The following RIPK4 variants were observed in gnomAD, a reference collection of about 807,000 sequenced individuals.
RIPK4 encodes receptor-interacting serine/threonine-protein kinase 4.
In RIPK4, 17 loss-of-function variants were observed where a neutral mutation model predicts 42.9. That is an observed-to-expected ratio of 0.40 (90% CI 0.27 to 0.59). The LOEUF is 0.59. Ranked by LOEUF, RIPK4 falls within the 20% of genes least tolerant of loss-of-function variation. The pLI is 0.47. For synonymous variants in RIPK4, 498 were observed against 499.1 expected (o/e 1.00, Z 0.03); for missense variants, 897 against 1,104.4 (o/e 0.81, Z 2.66).
chr21:41,744,085 C>G lies in RIPK4; in HGVS notation c.992G>C (p.Ser331Thr), dbSNP rs1601675210. ...ASAPTFDNDY[S>T]LSELLSQLDS... ...CAGCTGTGAGAGCAGCTCGGAGAGG[C>G]TGTAGTCGTTATCGAAGGTGGGGGC... is the stretch of plus-strand genomic sequence containing the variant. The change falls in exon 7 of 8, where the codon AGC becomes ACC. Residue 331 changes from serine (S) to threonine (T), a missense_variant. Transcript: ENST00000332512. 5 of 1,609,756 alleles carry G rather than the reference C, an allele frequency of 3.1e-6. No individual in the cohort carries two copies. The African/African-American group carries it at 4.0e-5, about 13-fold the overall frequency.
At chr21:41,748,592 G>A (rs2061178937) in intron 4 of RIPK4, among the ~76,000 whole-genome samples, 1 of 152,342 alleles carries the variant, frequency 6.6e-6, no homozygotes, top group African/African-American at 2.4e-5. Context: ...AAGCACGCGG[G>A]TACATGTAAT....
At chr21:41,763,129 G>T (rs987206765) in intron 1 of RIPK4, among the ~76,000 whole-genome samples, 5 of 152,120 alleles carry the variant, frequency 3.3e-5, no homozygotes, top group Admixed American at 3.3e-4. Context: ...AAAGTGTCCT[G>T]GGTCCTGTTT....
intron 1 of RIPK4, among the ~76,000 whole-genome samples, chr21:41,761,035 C>T (rs916262865): frequency 6.6e-6 from 1 of 152,234 alleles, no homozygotes; most frequent in Non-Finnish European, 1.5e-5. Context: ...TGCTTCCTCC[C>T]TCTCCAGGGG....
intron 2 of RIPK4, among the ~76,000 whole-genome samples, chr21:41,756,300 T>C (rs1488760683): frequency 6.6e-6 from 1 of 152,210 alleles, no homozygotes; most frequent in East Asian, 1.9e-4. Context: ...TTCACCAAGC[T>C]ACCCTCCAGC....
Position 41,756,710 on chromosome 21 carries a change from C to T in RIPK4, c.289G>A (p.Glu97Lys). Residue 97 changes from glutamate to lysine, a missense_variant, in exon 2 of 8, where the codon GAG (glutamate) becomes AAG (lysine). By Grantham distance (56) the Glu-to-Lys change is moderately conservative (BLOSUM62 1). Transcript: ENST00000332512. The part of the protein sequence containing the change: ...ICREPVGLVM[E>K]YMETGSLEKL... Reference sequence around the variant, plus strand: ...TCCAGGGAGCCCGTCTCCATGTACTCCATGACCAGGCCGACAGGTTCGCGG... The same window carrying T: ...TCCAGGGAGCCCGTCTCCATGTACTTCATGACCAGGCCGACAGGTTCGCGG... 1 of 1,614,242 alleles carries T rather than the reference C, an allele frequency of 6.2e-7. No homozygotes were observed. The highest frequency in any genetic ancestry group is 8.5e-7 in the Non-Finnish European group (1 of 1,180,050).
In RIPK4 at chr21:41,751,165, G is replaced by A. The variant is rs746305634; in HGVS notation, c.555C>T (p.Ile185=). 4.8e-5 allele frequency: 78 copies of A among 1,614,230 alleles called. No individual in the cohort carries two copies. The highest frequency in any genetic ancestry group is 5.8e-5 in the Non-Finnish European group (68 of 1,180,042). ...DLSMDGLFGT[I]AYLPPERIRE... ...TGATGCGCTCTGGAGGGAGGTAGGC[G>A]ATTGTGCCAAACAGGCCATCCATGC... The change falls in exon 3 of 8, where the codon ATC becomes ATT. Residue 185 remains isoleucine (I), a synonymous_variant. Transcript: ENST00000332512. The surrounding 1 kb of genome is among the most constrained non-coding windows in gnomAD (Gnocchi z 4.5).
rs1179459511 is a variant in RIPK4 at position 41,742,831 on chromosome 21, G to T, written c.1196-834C>A. 6.6e-6 allele frequency among the ~76,000 whole-genome samples: 1 copy of T among 152,130 alleles called. No individual in the cohort carries two copies. Among genetic ancestry groups the T allele is most frequent in the Non-Finnish European group, 1.5e-5 (1 of 68,030 alleles). ...CATTTCAGAGTATTAGACCCAAAGA[G>T]AATGTTCTAGAACGTACTTATCCAT... On this transcript the variant is annotated intron_variant, in intron 7 of 7. Coordinates refer to ENST00000332512, the MANE Select transcript of RIPK4 (RefSeq NM_020639.3). The surrounding 1 kb of genome is among the most constrained non-coding windows in gnomAD (Gnocchi z 5.1).
chr21:41,746,482 A>G, intron 5 of RIPK4, 131 bp downstream of exon 5: 2 of 1,115,776 alleles, frequency 1.8e-6, no homozygotes, highest in South Asian at 3.0e-5. Flanking sequence ...CTATCTGTGC[A>G]GGGCTCATTT....
chr21:41,750,428 A>T (rs969373853), intron 3 of RIPK4, among the ~76,000 whole-genome samples: 1 of 152,248 alleles, frequency 6.6e-6, no homozygotes, highest in Non-Finnish European at 1.5e-5. Context: ...TGCTCGCCTC[A>T]CAAAATCAGA....
At chr21:41,758,041 T>TATATATATATAGAGAGAGAG (rs1452050960) in intron 1 of RIPK4, among the ~76,000 whole-genome samples, 2 of 58,484 alleles carry the variant, frequency 3.4e-5, no homozygotes, top group Non-Finnish European at 5.6e-5. Flanking sequence ...TATATATATA[T>TATATATATATAGAGAGAGAG]AGAGAGAGAG....
intron 4 of RIPK4, among the ~76,000 whole-genome samples, chr21:41,747,412 C>T (rs2061175243): frequency 6.6e-6 from 1 of 152,196 alleles, no homozygotes; most frequent in Non-Finnish European, 1.5e-5. Context: ...CAACTTCTAC[C>T]CTGACTGGGA....
intron 7 of RIPK4, among the ~76,000 whole-genome samples, chr21:41,743,457 G>A (rs1410267181): frequency 1.3e-5 from 2 of 152,240 alleles, no homozygotes; most frequent in Admixed American, 6.5e-5. Flanking sequence ...TACCGTGAAC[G>A]GGGAGCCCAC....
chr21:41,766,936 C>G lies in RIPK4; in HGVS notation c.106G>C (p.Val36Leu), dbSNP rs762423408. ...EKVGSGGFGQ[V>L]YKVRHVHWKT... is the part of the protein sequence containing the mutation. ...CAGTGGACATGGCGCACCTTGTACA[C>G]CTGCCCGAAGCCGCCCGAGCCCACC... The change falls in exon 1 of 8, where the codon GTG becomes CTG. Residue 36 changes from valine (V) to leucine (L), a missense_variant. By Grantham distance (32) the Val-to-Leu change is conservative (BLOSUM62 1). Transcript: ENST00000332512. 3.7e-6 allele frequency: 6 copies of G among 1,610,186 alleles called. No individual in the cohort carries two copies. The South Asian group carries it at 6.6e-5, about 18-fold the overall frequency.
intron 1 of RIPK4, among the ~76,000 whole-genome samples, chr21:41,761,537 C>T (rs1292327553): frequency 1.3e-5 from 2 of 152,146 alleles, no homozygotes; most frequent in African/African-American, 2.4e-5. Flanking sequence ...AAAGTCCTTC[C>T]GTAGGACTCA....
At chr21:41,756,460 T>C in intron 2 of RIPK4, 65 bp downstream of exon 2, 2 of 1,559,150 alleles carry the variant, frequency 1.3e-6, no homozygotes, top group South Asian at 2.4e-5. Context: ...GACCCCTTGA[T>C]ACCCTGCTCC....
chr21:41,741,596 C>A lies in RIPK4; in HGVS notation c.1597G>T (p.Val533Leu), dbSNP rs142752272. ...LLEKNASVNEVDFEGRTPMHV... is the reference protein window; with the variant it reads ...LLEKNASVNELDFEGRTPMHV... ...ATGGGCGTCCGGCCCTCAAAGTCCA[C>A]CTCGTTGACCGAGGCGTTCTTCTCC... Residue 533 changes from valine to leucine, a missense_variant, in exon 8 of 8, where the codon GTG becomes TTG. By Grantham distance (32) the Val-to-Leu change is conservative. Coordinates refer to ENST00000332512, the MANE Select transcript of RIPK4 (RefSeq NM_020639.3). The A allele has an allele frequency of 2.5e-6, 4 of 1,612,130 alleles. No homozygotes were observed. Among genetic ancestry groups the A allele is most frequent in the Non-Finnish European group, 3.4e-6 (4 of 1,180,040 alleles).
chr21:41,745,622 T>C (rs2061168140), intron 6 of RIPK4, 137 bp downstream of exon 6: 1 of 652,412 alleles, frequency 1.5e-6, no homozygotes, highest in East Asian at 2.7e-5. Flanking sequence ...ACACTTCTAA[T>C]GGAGTTGGGT....
intron 1 of RIPK4, among the ~76,000 whole-genome samples, chr21:41,757,555 T>G (rs1178783395): frequency 1.3e-5 from 2 of 150,630 alleles, no homozygotes; most frequent in African/African-American, 4.9e-5. Flanking sequence ...ACTAGTTATG[T>G]TCAAGGAACC....
Position 41,741,629 on chromosome 21 carries a change from G to A in RIPK4, c.1564C>T (p.Leu522=), listed in dbSNP as rs1307289899. 2 of 1,613,254 alleles carry A rather than the reference G, an allele frequency of 1.2e-6. No individual in the cohort carries two copies. The highest frequency in any genetic ancestry group is 2.2e-5 in the South Asian group (2 of 91,090). ...ACCGAGGCGTTCTTCTCCAACAGCA[G>A]CCGTGTGCTAGACTCGTCCCCGTTC... ...AQNGDESSTR[L]LLEKNASVNE... The change falls in exon 8 of 8, where the codon CTG becomes TTG. Residue 522 remains leucine (L), a synonymous_variant. Transcript: ENST00000332512.
Sources: gnomAD v4.1 joint callset for allele counts (sites outside exome capture counted in the v4.1 genomes callset) on GRCh38, gnomAD v4.1.1 for gene constraint, Gnocchi (gnomAD v3.1) non-coding constraint, MANE v1.5 for transcripts, NCBI Gene and HGNC (gene_info 2026-07-23, HGNC 2026-07-21) for gene names.